Variants in TRIM5 observed in about 807,000 individuals in gnomAD.
TRIM5 encodes tripartite motif containing 5.
In TRIM5, 31 loss-of-function variants were observed where a neutral mutation model predicts 35.6. The observed-to-expected ratio is 0.87, with a 90% CI of 0.65 to 1.18. The LOEUF (loss-of-function observed/expected upper bound fraction) is 1.18, where lower values mean the gene tolerates loss of function less well. Ranked by LOEUF, TRIM5 falls within the 50% of genes most tolerant of loss-of-function variation. The probability of loss-of-function intolerance (pLI) is 0.00; values close to 1 mark genes in which losing one functional copy is unlikely to be tolerated. For synonymous variants in TRIM5, 243 were observed against 215.6 expected, an observed-to-expected ratio of 1.13 and a Z score of -1.11; for missense variants, 609 against 591.6, an observed-to-expected ratio of 1.03 and a Z score of -0.31.
intron 4 of TRIM5, among the ~76,000 whole-genome samples, chr11:5,677,661 C>G (rs923926670): frequency 6.6e-6 from 1 of 152,152 alleles, no homozygotes; most frequent in African/African-American, 2.4e-5. Flanking sequence ...GGCCTCCTGA[C>G]CTCATGACTG....
At chr11:5,662,523 T>G (rs1046841879), downstream of TRIM5, among the ~76,000 whole-genome samples, 4 of 152,266 alleles carry the variant, frequency 2.6e-5, no homozygotes, top group Admixed American at 6.5e-5. Context: ...CATGTACTTC[T>G]GACTTTATCT....
At chr11:5,620,761 GCTT>G in the TRIM5 span, among the ~76,000 whole-genome samples, 9 of 152,138 alleles carry the variant, frequency 5.9e-5, no homozygotes, top group Non-Finnish European at 1.3e-4. Flanking sequence ...CTCCAGATTA[GCTT>G]CTTCTTTCCA....
chr11:5,594,302 GTTTT>G, the TRIM5 span, among the ~76,000 whole-genome samples: 1 of 151,922 alleles, frequency 6.6e-6, no homozygotes, highest in Non-Finnish European at 1.5e-5. Context: ...CTTTCATTCT[GTTTT>G]TTGTTTTCTT....
chr11:5,658,194 T>C, the TRIM5 span, among the ~76,000 whole-genome samples: 2 of 152,150 alleles, frequency 1.3e-5, no homozygotes, highest in African/African-American at 2.4e-5. Flanking sequence ...GAGTAGCAAA[T>C]TGGTAGAAGA....
the TRIM5 span, among the ~76,000 whole-genome samples, chr11:5,619,028 G>A: frequency 2.6e-5 from 4 of 152,106 alleles, no homozygotes; most frequent in Admixed American, 6.6e-5. Flanking sequence ...GTGAATCAAT[G>A]TATTGTGTGC....
the TRIM5 span, among the ~76,000 whole-genome samples, chr11:5,639,346 T>C: frequency 1.1e-4 from 16 of 152,026 alleles, no homozygotes; most frequent in African/African-American, 3.6e-4. Flanking sequence ...AATGATTAGA[T>C]ATAAAGGTTG....
At chr11:5,633,667 A>G in the TRIM5 span, 7 of 801,158 alleles carry the variant, frequency 8.7e-6, no homozygotes, top group Non-Finnish European at 1.3e-5. Flanking sequence ...TCCCCATGTC[A>G]TAGATTCTAA....
chr11:5,643,714 T>A, the TRIM5 span: 1 of 1,568,272 alleles, frequency 6.4e-7, no homozygotes, highest in South Asian at 1.2e-5. Flanking sequence ...TCTTGAATTT[T>A]CTCATTTCTT....
At chr11:5,599,746 A>G in the TRIM5 span, among the ~76,000 whole-genome samples, 1 of 152,142 alleles carries the variant, frequency 6.6e-6, no homozygotes, top group Admixed American at 6.5e-5. Context: ...AAGATAGCAC[A>G]TTTATTTCTA....
downstream of TRIM5, among the ~76,000 whole-genome samples, chr11:5,660,973 TGGAGG>T: frequency 8.0e-6 from 1 of 124,692 alleles, no homozygotes; most frequent in Non-Finnish European, 1.6e-5. Context: ...ACCCAGGAGG[TGGAGG>T]TTGCAGTGAG....
At chr11:5,604,464 T>C in the TRIM5 span, 12 of 1,497,962 alleles carry the variant, frequency 8.0e-6, 1 homozygote, top group South Asian at 1.5e-4. Context: ...CTCTGTCCCA[T>C]TCATTCTATG....
chr11:5,588,830 C>G, the TRIM5 span: 1 of 150,938 alleles, frequency 6.6e-6, no homozygotes, highest in Non-Finnish European at 1.5e-5. Context: ...GTTGCCCAGG[C>G]TGGAGTGCAG....
At position 5,665,983 on chromosome 11, in the gene TRIM5, C is replaced by T; in HGVS notation, c.866G>A (p.Arg289Lys). Residue 289 changes from arginine (R) to lysine (K), a missense_variant and splice_region_variant, in exon 6 of 8, where the codon AGA (arginine) becomes AAA (lysine). By Grantham distance (26) the Arg-to-Lys change is conservative. Transcript: ENST00000380034. ...PDLKGMLEVF[R>K]ELTDVRRYWV... ...GTTGTTGATCTAGCTCTCCTCACCTCTAAACACTTCTAGCATTCCTTTCAG... is the reference window on the plus strand; with the variant it reads ...GTTGTTGATCTAGCTCTCCTCACCTTTAAACACTTCTAGCATTCCTTTCAG... The T allele has an allele frequency of 6.2e-7, 1 of 1,609,566 alleles. No individual in the cohort carries two copies.
downstream of TRIM5, among the ~76,000 whole-genome samples, chr11:5,661,756 G>C (rs549949242): frequency 6.6e-6 from 1 of 152,120 alleles, no homozygotes; most frequent in African/African-American, 2.4e-5. Context: ...CTGAGAAGAC[G>C]GAGTGTAACT....
the TRIM5 span, chr11:5,596,652 A>T: frequency 1.4e-5 from 7 of 496,914 alleles, no homozygotes; most frequent in African/African-American, 2.1e-5. Context: ...GAGTTGGGAG[A>T]TGAGCCTTCC....
rs1453383227 is a variant in TRIM5 at position 5,676,851 on chromosome 11, G to A, written c.744+1353C>T. Among the ~76,000 whole-genome samples the A allele has an allele frequency of 5.3e-3, 800 of 150,684 alleles. 7 individuals are homozygous for A. Among genetic ancestry groups the A allele is most frequent in the Non-Finnish European group, 8.6e-3 (582 of 67,506 alleles). ...AAACCTGAGAAAAACAAGCAATGGG[G>A]AAAGGATTCCCTATTTAATAAATGG... On this transcript the variant is annotated intron_variant, in intron 4 of 7. Transcript: ENST00000380034.
At chr11:5,632,899 T>C in the TRIM5 span, 1 of 1,141,508 alleles carries the variant, frequency 8.8e-7, no homozygotes. Flanking sequence ...TGCTCTCGGC[T>C]CACTGCAACC....
In TRIM5 at chr11:5,678,407, C is replaced by T. The variant is rs780254989; in HGVS notation, c.541G>A (p.Val181Ile). Residue 181 changes from valine to isoleucine, a missense_variant, in exon 4 of 8, where the codon GTC (valine) becomes ATC (isoleucine). By Grantham distance (29) the Val-to-Ile change is conservative. Coordinates refer to ENST00000380034, the MANE Select transcript of TRIM5 (RefSeq NM_033034.3). ...KTQIQYDKTNVLADFEQLRDI... is the reference protein window; with the variant it reads ...KTQIQYDKTNILADFEQLRDI... ...CTCAGTTGCTCAAAATCTGCCAAGA[C>T]GTTGGTTTTGTCATACTGTATTTGA... 18 of 1,586,276 alleles carry T rather than the reference C, an allele frequency of 1.1e-5. No individual in the cohort carries two copies. The highest frequency in any genetic ancestry group is 4.5e-5 in the East Asian group (2 of 44,440).
At chr11:5,590,004 G>A in the TRIM5 span, 4 of 155,648 alleles carry the variant, frequency 2.6e-5, no homozygotes, top group Non-Finnish European at 4.2e-5. Context: ...CCCGGGCAAC[G>A]AGGGGCTTAG....
Sources: gnomAD v4.1 joint callset for allele counts (sites outside exome capture counted in the v4.1 genomes callset) on GRCh38, gnomAD v4.1.1 for gene constraint, MANE v1.5 for transcripts, NCBI Gene and HGNC (gene_info 2026-07-23, HGNC 2026-07-21) for gene names.